Variants in PCDH7 observed in about 807,000 individuals in gnomAD.
PCDH7 encodes the protein protocadherin 7.
Under a neutral mutation model 58.9 loss-of-function variants are expected in PCDH7, and 17 were observed. The ratio of observed to expected loss-of-function variants is 0.29; its 90% confidence interval spans 0.20 to 0.43. The LOEUF (loss-of-function observed/expected upper bound fraction) is 0.43, where lower values mean the gene tolerates loss of function less well. PCDH7 is among the 20% of genes least tolerant of loss of function. PCDH7 has a pLI of 1.00. For missense variants in PCDH7, 1,274 were observed against 1,441.0 expected, an observed-to-expected ratio of 0.88 and a Z score of 1.88; for synonymous variants, 664 against 616.4, an observed-to-expected ratio of 1.08 and a Z score of -1.14.
intron 3 of PCDH7, among the ~76,000 whole-genome samples, chr4:31,012,296 T>C (rs1753255281): frequency 6.6e-6 from 1 of 152,144 alleles, no homozygotes; most frequent in South Asian, 2.1e-4. Flanking sequence ...ATATAAATAA[T>C]ATTCGTTTTA....
intron 3 of PCDH7, among the ~76,000 whole-genome samples, chr4:31,092,816 G>A (rs909515184): frequency 3.9e-5 from 6 of 151,980 alleles, no homozygotes; most frequent in African/African-American, 9.7e-5. Context: ...ATGTTTCAAA[G>A]CAATCACCAC....
intron 1 of PCDH7, among the ~76,000 whole-genome samples, chr4:30,747,291 T>C (rs1053675091): frequency 1.3e-5 from 2 of 152,206 alleles, no homozygotes; most frequent in South Asian, 4.1e-4. Flanking sequence ...TCCAAGTGCC[T>C]TCCAAATCTT....
At chr4:31,035,387 A>G (rs1313290141) in intron 3 of PCDH7, among the ~76,000 whole-genome samples, 1 of 151,230 alleles carries the variant, frequency 6.6e-6, no homozygotes, top group African/African-American at 2.4e-5. Flanking sequence ...CTGAGTAGCT[A>G]GGATTATGGG....
chr4:31,117,970 A>G (rs537499537), intron 3 of PCDH7, among the ~76,000 whole-genome samples: 1 of 152,152 alleles, frequency 6.6e-6, no homozygotes, highest in East Asian at 1.9e-4. Flanking sequence ...AATTTATTGC[A>G]ATTATCTTAT....
intron 1 of PCDH7, among the ~76,000 whole-genome samples, chr4:30,847,163 T>A (rs761329322): frequency 1.1e-4 from 17 of 152,222 alleles, no homozygotes; most frequent in Non-Finnish European, 2.5e-4. Context: ...TGCATTTTTT[T>A]AAAAAAGGTT....
intron 1 of PCDH7, among the ~76,000 whole-genome samples, chr4:30,860,433 T>C (rs1734052789): frequency 6.6e-6 from 1 of 152,154 alleles, no homozygotes; most frequent in Non-Finnish European, 1.5e-5. Flanking sequence ...TTTTTTGGTT[T>C]CTTTGTTTTA....
intron 1 of PCDH7, among the ~76,000 whole-genome samples, chr4:30,840,334 G>A (rs1456959609): frequency 6.6e-6 from 1 of 152,030 alleles, no homozygotes; most frequent in Non-Finnish European, 1.5e-5. Context: ...GACTTGGCAG[G>A]AATGCCTTAG....
intron 1 of PCDH7, among the ~76,000 whole-genome samples, chr4:30,728,340 T>C (rs1402800514): frequency 1.3e-5 from 2 of 151,292 alleles, no homozygotes; most frequent in African/African-American, 4.8e-5. Context: ...ATATATTCTT[T>C]AGTGGAAATG....
At chr4:30,868,006 C>T (rs1468167814) in intron 1 of PCDH7, among the ~76,000 whole-genome samples, 1 of 151,854 alleles carries the variant, frequency 6.6e-6, no homozygotes, top group Admixed American at 6.6e-5. Flanking sequence ...AATTTGAAGC[C>T]ACATTAGTTA....
chr4:30,811,774 A>G (rs888545782), intron 1 of PCDH7, among the ~76,000 whole-genome samples: 1 of 152,218 alleles, frequency 6.6e-6, no homozygotes, highest in Non-Finnish European at 1.5e-5. Context: ...AAGGCAAAAG[A>G]GCCTAGGGGC....
At chr4:31,142,805 C>A (rs763820506) in exon 4 of PCDH7, 2 of 1,366,584 alleles carry the variant, frequency 1.5e-6, no homozygotes, top group African/African-American at 3.0e-5. Context: ...GGAATATAAG[C>A]CATCTCCTGT....
chr4:30,766,648 C>CATATAT (rs71963039), intron 1 of PCDH7, among the ~76,000 whole-genome samples: 1 of 148,912 alleles, frequency 6.7e-6, no homozygotes, highest in Non-Finnish European at 1.5e-5. Context: ...AAATCTCAAA[C>CATATAT]ATATATATAT....
chr4:30,894,490 AATATATAT>A (rs1553909430), intron 1 of PCDH7, among the ~76,000 whole-genome samples: 1 of 33,518 alleles, frequency 3.0e-5, no homozygotes, highest in African/African-American at 8.7e-5. Flanking sequence ...AAAAAAAAAA[AATATATAT>A]ATATATATAT....
intron 1 of PCDH7, among the ~76,000 whole-genome samples, chr4:30,754,170 GT>G (rs1051323099): frequency 7.2e-6 from 1 of 139,568 alleles, no homozygotes; most frequent in Non-Finnish European, 1.5e-5. Context: ...AGGTGTGTGT[GT>G]GTGTGTGTGT....
At chr4:31,074,937 T>C (rs1758861831) in intron 3 of PCDH7, among the ~76,000 whole-genome samples, 1 of 151,986 alleles carries the variant, frequency 6.6e-6, no homozygotes, top group Non-Finnish European at 1.5e-5. Flanking sequence ...CCTTTCTTCT[T>C]CTCCTCCTAC....
At chr4:30,827,686 G>A (rs1560411532) in intron 1 of PCDH7, among the ~76,000 whole-genome samples, 1 of 152,110 alleles carries the variant, frequency 6.6e-6, no homozygotes, top group Non-Finnish European at 1.5e-5. Context: ...AGTTGTGCAT[G>A]CAGTACATAT....
chr4:30,779,340 G>A (rs1414214982), intron 1 of PCDH7, among the ~76,000 whole-genome samples: 1 of 151,984 alleles, frequency 6.6e-6, no homozygotes. Flanking sequence ...TCTCATTTCT[G>A]AAATTATATT....
chr4:30,800,091 C>T (rs1173578900), intron 1 of PCDH7, among the ~76,000 whole-genome samples: 1 of 151,810 alleles, frequency 6.6e-6, no homozygotes. Context: ...AACTCCTGAC[C>T]TCATGATCTG....
intron 3 of PCDH7, among the ~76,000 whole-genome samples, chr4:30,960,354 G>T (rs1490085754): frequency 1.3e-5 from 2 of 152,126 alleles, no homozygotes; most frequent in Non-Finnish European, 1.5e-5. Flanking sequence ...GCTGTGGCTA[G>T]GTCATGTAAG....
Sources: allele counts gnomAD v4.1 joint callset (sites outside exome capture counted in the v4.1 genomes callset), GRCh38; gene constraint gnomAD v4.1.1; transcripts MANE v1.5; gene names NCBI Gene and HGNC (gene_info 2026-07-23, HGNC 2026-07-21).